The following DMD variants were observed in gnomAD, a reference collection of about 807,000 sequenced individuals.
DMD encodes mutant dystrophin.
Under a neutral mutation model 330.1 loss-of-function variants are expected in DMD, and 63 were observed. That is an observed-to-expected ratio of 0.19 (90% CI 0.16 to 0.24). DMD has a LOEUF of 0.24. DMD is among the 10% of genes least tolerant of loss of function. The probability of loss-of-function intolerance (pLI) is 1.00; values close to 1 mark genes in which losing one functional copy is unlikely to be tolerated. For missense variants in DMD, 3,344 were observed against 2,684.1 expected (o/e 1.25, Z -5.43); for synonymous variants, 1,223 against 959.8 (o/e 1.27, Z -5.07).
At chrX:32,750,350 T>C (rs1461503934) in intron 7 of DMD, among the ~76,000 whole-genome samples, 1 of 111,982 alleles carries the variant, frequency 8.9e-6, no homozygotes, top group Non-Finnish European at 1.9e-5. Flanking sequence ...CCGTGTTTCA[T>C]ATGAAGTTAG....
chrX:32,326,914 A>G (rs2097653724), intron 41 of DMD, among the ~76,000 whole-genome samples: 1 of 109,975 alleles, frequency 9.1e-6, no homozygotes, highest in Admixed American at 9.8e-5. Context: ...CTCAAAAAAA[A>G]AAAAAAAGTA....
chrX:32,698,711 C>A (rs968320223), intron 8 of DMD, among the ~76,000 whole-genome samples: 8 of 111,747 alleles, frequency 7.2e-5, no homozygotes, highest in Non-Finnish European at 1.5e-4. Context: ...ATCATATTGT[C>A]ATAAAGTATT....
intron 42 of DMD, among the ~76,000 whole-genome samples, chrX:32,305,912 T>A (rs1028097376): frequency 9.0e-6 from 1 of 110,801 alleles, no homozygotes; most frequent in Admixed American, 9.7e-5. Context: ...ACAGACTCCA[T>A]GGCTGACTCC....
At chrX:31,409,220 T>C (rs187281388) in intron 60 of DMD, among the ~76,000 whole-genome samples, 1 of 112,560 alleles carries the variant, frequency 8.9e-6, no homozygotes, top group African/African-American at 3.2e-5. Flanking sequence ...GAAAGGTATC[T>C]AGCCCATTTT....
chrX:32,407,041 T>A (rs58146765), intron 30 of DMD, among the ~76,000 whole-genome samples: 16,904 of 110,544 alleles, frequency 0.15, 1,150 homozygotes, highest in African/African-American at 0.25. Context: ...AACCTAGGCA[T>A]TACCATTCAG....
chrX:31,584,773 G>A lies in DMD; in HGVS notation c.8217+42900C>T, dbSNP rs149529974. 5.2e-3 allele frequency among the ~76,000 whole-genome samples: 573 copies of A among 110,891 alleles called. 6 individuals are homozygous for A. Among genetic ancestry groups the A allele is most frequent in the Non-Finnish European group, 5.0e-3 (267 of 53,010 alleles). On this transcript the variant is annotated intron_variant, in intron 55 of 78. Coordinates refer to ENST00000357033, the MANE Select transcript of DMD (RefSeq NM_004006.3). ...TGAAGGAGCAGCACCGGTAAGCTTG[G>A]ACAATTGTTTGTTTGTTAAAATGAA...
At chrX:31,431,293 G>T (rs1158859325) in intron 60 of DMD, among the ~76,000 whole-genome samples, 7 of 111,951 alleles carry the variant, frequency 6.3e-5, no homozygotes, top group African/African-American at 2.3e-4. Flanking sequence ...TCAGAGGAAT[G>T]GAATGCCAAA....
intron 55 of DMD, among the ~76,000 whole-genome samples, chrX:31,520,102 C>T (rs769297338): frequency 1.1e-4 from 12 of 111,862 alleles, no homozygotes; most frequent in African/African-American, 2.3e-4. Context: ...GCATATTTGC[C>T]GGGAAAAAAA....
At chrX:32,835,338 A>C (rs983056201) in intron 4 of DMD, among the ~76,000 whole-genome samples, 11 of 112,375 alleles carry the variant, frequency 9.8e-5, no homozygotes, top group African/African-American at 3.2e-4. Flanking sequence ...AGCTGTGGAT[A>C]CATTTTTACC....
At position 32,380,519 on chromosome X, in the gene DMD, G is replaced by T. The variant is rs959195857; in HGVS notation, c.4836C>A (p.Ala1612=). ...GMPSNLDSEV[A]WGKATQKEIE... The stretch of plus-strand genomic sequence containing the variant: ...GTGATATAGGTTTTACCTTTCCCCA[G>T]GCAACTTCAGAATCCAAATTACTAG... The change falls in exon 34 of 79, where the codon GCC becomes GCA. Residue 1612 remains alanine (A), a synonymous_variant. Coordinates refer to ENST00000357033, the MANE Select transcript of DMD (RefSeq NM_004006.3). The T allele has an allele frequency of 8.3e-7, 1 of 1,209,991 alleles. No individual in the cohort carries two copies. Among genetic ancestry groups the T allele is most frequent in the Admixed American group, 2.2e-5 (1 of 45,922 alleles).
chrX:33,195,519 A>G (rs924637424), intron 1 of DMD, among the ~76,000 whole-genome samples: 6 of 111,777 alleles, frequency 5.4e-5, no homozygotes, highest in African/African-American at 1.6e-4. Flanking sequence ...AGGAATCCCC[A>G]CAAATTGGGG....
At chrX:32,536,673 G>A (rs1265100417) in intron 17 of DMD, among the ~76,000 whole-genome samples, 1 of 112,128 alleles carries the variant, frequency 8.9e-6, no homozygotes, top group East Asian at 2.8e-4. Context: ...GGAGTACATT[G>A]ATTTATATTC....
intron 60 of DMD, among the ~76,000 whole-genome samples, chrX:31,350,632 TGAGAGAGAGAGA>T (rs372820688): frequency 1.3e-3 from 84 of 66,682 alleles, no homozygotes; most frequent in African/African-American, 4.8e-3. Context: ...TGTGTGTGTG[TGAGAGAGAGAGA>T]GAGAGAGAGA....
At position 32,684,476 on chromosome X, in the gene DMD, T is replaced by C. The variant is rs189447044; in HGVS notation, c.960+13394A>G. ...CCTCTTTGAAAACCTGTTTTAACTATGTCTTACATCATTTCATTTACCAGA... is the reference window on the plus strand; with the variant it reads ...CCTCTTTGAAAACCTGTTTTAACTACGTCTTACATCATTTCATTTACCAGA... On this transcript the variant is annotated intron_variant, in intron 9 of 78. Coordinates refer to ENST00000357033, the MANE Select transcript of DMD (RefSeq NM_004006.3). Among the ~76,000 whole-genome samples, 105 of 111,667 alleles carry C rather than the reference T, an allele frequency of 9.4e-4. 1 individual carries two copies. The highest frequency in any genetic ancestry group is 9.5e-3 in the Middle Eastern group (2 of 210).
At chrX:31,612,746 A>G (rs1218012638) in intron 55 of DMD, among the ~76,000 whole-genome samples, 1 of 112,155 alleles carries the variant, frequency 8.9e-6, no homozygotes, top group Non-Finnish European at 1.9e-5. Context: ...AAGCAAATAA[A>G]GAAGTGAAAT....
intron 9 of DMD, among the ~76,000 whole-genome samples, chrX:32,661,270 C>T (rs777990558): frequency 1.8e-5 from 2 of 110,980 alleles, no homozygotes; most frequent in Admixed American, 1.9e-4. Context: ...GAATTTACCA[C>T]CAGAACTGAA....
At chrX:31,334,239 T>C (rs1291373774) in intron 61 of DMD, among the ~76,000 whole-genome samples, 1 of 112,527 alleles carries the variant, frequency 8.9e-6, no homozygotes, top group Non-Finnish European at 1.9e-5. Context: ...CGGCCCGAGA[T>C]ATTCATCTTA....
At chrX:31,826,031 C>T (rs1039487064) in intron 49 of DMD, among the ~76,000 whole-genome samples, 4 of 112,081 alleles carry the variant, frequency 3.6e-5, no homozygotes, top group Admixed American at 9.5e-5. Context: ...AAGAAAAGTT[C>T]TCATTAAAAT....
intron 7 of DMD, among the ~76,000 whole-genome samples, chrX:32,712,145 T>C (rs1391041806): frequency 3.6e-5 from 4 of 111,666 alleles, no homozygotes. Flanking sequence ...TATCCATTTA[T>C]TTATTCTGTA....
Sources: gnomAD v4.1 joint callset for allele counts (sites outside exome capture counted in the v4.1 genomes callset) on GRCh38, gnomAD v4.1.1 for gene constraint, MANE v1.5 for transcripts, NCBI Gene and HGNC (gene_info 2026-07-23, HGNC 2026-07-21) for gene names.